The following GNAQ variants were observed in gnomAD, a reference collection of about 807,000 sequenced individuals.
GNAQ encodes the protein G protein subunit alpha q.
A neutral mutation model predicts 43.9 loss-of-function variants in GNAQ; 8 were observed. The observed-to-expected ratio is 0.18, with a 90% CI of 0.11 to 0.33. GNAQ has a LOEUF of 0.33. Among genes scored for constraint, GNAQ ranks in the 10% least tolerant of loss-of-function variants. The probability of loss-of-function intolerance (pLI) is 1.00; values close to 1 mark genes in which losing one functional copy is unlikely to be tolerated. For synonymous variants in GNAQ, 155 were observed against 170.7 expected (o/e 0.91, Z 0.71); for missense variants, 158 against 450.8 (o/e 0.35, Z 5.88).
chr9:77,948,817 T>C (rs574109965), intron 1 of GNAQ, among the ~76,000 whole-genome samples: 1 of 152,268 alleles, frequency 6.6e-6, no homozygotes, highest in African/African-American at 2.4e-5. Context: ...CCTAAGGACA[T>C]GAACAGACAA....
At position 78,031,290 on chromosome 9, in the gene GNAQ, A is replaced by G. The variant is rs1378102424; in HGVS notation, c.-55T>C. 8 of 1,349,386 alleles carry G rather than the reference A, an allele frequency of 5.9e-6. No homozygotes were observed. Among genetic ancestry groups the G allele is most frequent in the Admixed American group, 4.8e-5 (2 of 41,798 alleles). 83.6% of individuals were successfully genotyped at this position (1,349,386 alleles called of 1,614,324 possible). A position where few individuals can be genotyped will look rare whatever the true frequency, so the allele number is the denominator to read the frequency against. On this transcript the variant is annotated 5_prime_UTR_variant, in exon 1 of 7. Transcript: ENST00000286548. The stretch of plus-strand genomic sequence containing the variant: ...CCGGCACCCCCTGCTCACAGCGCGC[A>G]CACACACCCTCCCGCCCTCGCTCCC...
chr9:77,984,566 A>T (rs1823410203), intron 1 of GNAQ, among the ~76,000 whole-genome samples: 1 of 152,154 alleles, frequency 6.6e-6, no homozygotes, highest in Non-Finnish European at 1.5e-5. Context: ...AATTCGCATA[A>T]TTTTTGGTTT....
intron 5 of GNAQ, among the ~76,000 whole-genome samples, chr9:77,738,414 AT>A (rs1178006963): frequency 6.6e-6 from 1 of 152,238 alleles, no homozygotes; most frequent in African/African-American, 2.4e-5. Flanking sequence ...ATTATTTGAA[AT>A]AATTCAATTT....
chr9:77,873,209 A>C (rs1828070581), intron 2 of GNAQ, among the ~76,000 whole-genome samples: 1 of 152,242 alleles, frequency 6.6e-6, no homozygotes, highest in African/African-American at 2.4e-5. Context: ...TAGCACAATG[A>C]AATATCTTTA....
chr9:77,872,007 T>C (rs1252727275), intron 2 of GNAQ, among the ~76,000 whole-genome samples: 1 of 152,240 alleles, frequency 6.6e-6, no homozygotes, highest in Non-Finnish European at 1.5e-5. Context: ...CCAGGGCTAA[T>C]AAGATACATG....
intron 2 of GNAQ, among the ~76,000 whole-genome samples, chr9:77,910,880 C>T (rs371076997): frequency 6.6e-6 from 1 of 152,120 alleles, no homozygotes; most frequent in Admixed American, 6.6e-5. Flanking sequence ...ACAGTTTTGT[C>T]GTAGAGTATG....
At chr9:77,890,741 C>T (rs890653690) in intron 2 of GNAQ, among the ~76,000 whole-genome samples, 1 of 152,130 alleles carries the variant, frequency 6.6e-6, no homozygotes, top group Non-Finnish European at 1.5e-5. Flanking sequence ...AACAGCATAG[C>T]TCTAGTAACA....
chr9:77,771,402 T>C (rs1359552546), intron 5 of GNAQ, among the ~76,000 whole-genome samples: 2 of 152,198 alleles, frequency 1.3e-5, no homozygotes, highest in South Asian at 2.1e-4. Flanking sequence ...TGCAAATTAA[T>C]CAGGAAGAGC....
At chr9:77,868,700 C>G (rs527646102) in intron 2 of GNAQ, among the ~76,000 whole-genome samples, 3 of 152,210 alleles carry the variant, frequency 2.0e-5, no homozygotes. Flanking sequence ...GAGGCTGAGG[C>G]AGGAGGATCA....
At chr9:77,764,914 A>G (rs1279370379) in intron 5 of GNAQ, among the ~76,000 whole-genome samples, 2 of 152,222 alleles carry the variant, frequency 1.3e-5, no homozygotes, top group African/African-American at 2.4e-5. Context: ...TTTTACAAGG[A>G]GAAGGTTGAA....
chr9:77,946,478 C>T (rs892753928), intron 1 of GNAQ, among the ~76,000 whole-genome samples: 5 of 152,250 alleles, frequency 3.3e-5, no homozygotes, highest in African/African-American at 1.2e-4. Context: ...AAAGGAAACT[C>T]CATCAAAAGC....
chr9:77,810,245 TCTATCTATCTA>T (rs1826899282), intron 3 of GNAQ, among the ~76,000 whole-genome samples: 2 of 151,576 alleles, frequency 1.3e-5, no homozygotes, highest in Non-Finnish European at 2.9e-5. Context: ...TATCTATCTA[TCTATCTATCTA>T]TCTATCTATC....
intron 2 of GNAQ, among the ~76,000 whole-genome samples, chr9:77,876,301 T>C (rs968123710): frequency 3.3e-5 from 5 of 152,174 alleles, no homozygotes; most frequent in Non-Finnish European, 7.3e-5. Context: ...TTTGACCAGC[T>C]GATGGAGAAT....
chr9:77,794,657 T>A (rs2118445178), intron 4 of GNAQ, 65 bp from the exon 5 acceptor site: 2 of 900,880 alleles, frequency 2.2e-6, no homozygotes, highest in African/African-American at 1.7e-5. Context: ...AACATAAATA[T>A]AGCACTACTT....
At chr9:77,975,410 G>A (rs1383219566) in intron 1 of GNAQ, among the ~76,000 whole-genome samples, 3 of 151,632 alleles carry the variant, frequency 2.0e-5, no homozygotes, top group Non-Finnish European at 4.4e-5. Flanking sequence ...TGGTTGCTTT[G>A]TATTAATATA....
intron 5 of GNAQ, among the ~76,000 whole-genome samples, chr9:77,779,473 G>A (rs11145562): frequency 0.084 from 12,719 of 151,468 alleles, 1,139 homozygotes; most frequent in East Asian, 0.23. Flanking sequence ...ATCTAAAATC[G>A]ATATCTAAAT....
chr9:77,887,046 TG>T (rs1485479134), intron 2 of GNAQ, among the ~76,000 whole-genome samples: 3 of 151,922 alleles, frequency 2.0e-5, no homozygotes, highest in South Asian at 2.1e-4. Flanking sequence ...CTCTTGAACC[TG>T]GGAGGTGGAA....
At chr9:77,916,843 C>T (rs1828915497) in intron 2 of GNAQ, among the ~76,000 whole-genome samples, 1 of 151,974 alleles carries the variant, frequency 6.6e-6, no homozygotes, top group African/African-American at 2.4e-5. Flanking sequence ...TCTTAAAATT[C>T]ACTACATGAA....
rs1477721636 is a variant in GNAQ at position 77,954,928 on chromosome 9, CAT to C, written c.137-32585_137-32584del. Among the ~76,000 whole-genome samples the C allele has an allele frequency of 5.9e-5, 9 of 152,298 alleles. No individual in the cohort carries two copies. The East Asian group carries it at 1.5e-3, about 26-fold the overall frequency. On this transcript the variant is annotated intron_variant, in intron 1 of 6. Coordinates refer to ENST00000286548, the MANE Select transcript of GNAQ (RefSeq NM_002072.5). The stretch of plus-strand genomic sequence containing the variant: ...AATTCCATATTAGCACTCTGGGTAA[CAT>C]GTTCAATTTTCATTAAATTTGTTCT...
Sources: gnomAD v4.1 joint callset for allele counts (sites outside exome capture counted in the v4.1 genomes callset) on GRCh38, gnomAD v4.1.1 for gene constraint, MANE v1.5 for transcripts, NCBI Gene and HGNC (gene_info 2026-07-23, HGNC 2026-07-21) for gene names.